Variants in LRBA observed in about 807,000 individuals in gnomAD.
LRBA encodes lipopolysaccharide-responsive and beige-like anchor protein.
In LRBA, 176 loss-of-function variants were observed where a neutral mutation model predicts 330.0. The ratio of observed to expected loss-of-function variants is 0.53; its 90% confidence interval spans 0.47 to 0.60. The LOEUF (loss-of-function observed/expected upper bound fraction) is 0.60. Among genes scored for constraint, LRBA ranks in the 20% least tolerant of loss-of-function variants. LRBA has a pLI of 0.00. For missense variants in LRBA, 3,259 were observed against 3,444.8 expected (o/e 0.95, Z 1.35); for synonymous variants, 1,230 against 1,193.0 (o/e 1.03, Z -0.64).
chr4:150,352,594 T>C (rs1001010676), intron 47 of LRBA, among the ~76,000 whole-genome samples: 1 of 152,214 alleles, frequency 6.6e-6, no homozygotes, highest in African/African-American at 2.4e-5. Context: ...CAAAACTGCT[T>C]CATATTTTAC....
chr4:150,902,297 TAAAGGTTTCCCTAGAGTTAG>T (rs1290331717), intron 13 of LRBA, among the ~76,000 whole-genome samples: 1 of 152,098 alleles, frequency 6.6e-6, no homozygotes, highest in East Asian at 1.9e-4. Flanking sequence ...ATGGTTGAAA[TAAAGGTTTCCCTAGAGTTAG>T]AACAACAGTT....
At chr4:150,417,038 A>G (rs1030077223) in intron 46 of LRBA, among the ~76,000 whole-genome samples, 2 of 152,118 alleles carry the variant, frequency 1.3e-5, no homozygotes, top group African/African-American at 4.8e-5. Context: ...CTGTGTCCTC[A>G]GTCATCAAAT....
intron 40 of LRBA, among the ~76,000 whole-genome samples, chr4:150,519,892 T>G (rs1239031837): frequency 6.6e-6 from 1 of 152,202 alleles, no homozygotes; most frequent in African/African-American, 2.4e-5. Context: ...TTAGCTATCC[T>G]AACGTGTAGT....
chr4:150,526,521 A>T (rs1763494885), intron 40 of LRBA, among the ~76,000 whole-genome samples: 1 of 152,198 alleles, frequency 6.6e-6, no homozygotes, highest in African/African-American at 2.4e-5. Context: ...CAATAAAAAG[A>T]TGGATAAATA....
At chr4:150,834,351 TAAG>T (rs1001470361) in intron 28 of LRBA, among the ~76,000 whole-genome samples, 4 of 152,224 alleles carry the variant, frequency 2.6e-5, no homozygotes, top group African/African-American at 9.6e-5. Flanking sequence ...TCTTAAATAA[TAAG>T]AAGTATTTCT....
At chr4:150,987,154 T>G (rs1327333871) in intron 2 of LRBA, among the ~76,000 whole-genome samples, 1 of 152,202 alleles carries the variant, frequency 6.6e-6, no homozygotes, top group African/African-American at 2.4e-5. Flanking sequence ...CAGCTAGAAA[T>G]AAGAACTTAA....
At chr4:150,795,151 T>C (rs1303379260) in intron 34 of LRBA, among the ~76,000 whole-genome samples, 2 of 152,130 alleles carry the variant, frequency 1.3e-5, no homozygotes, top group African/African-American at 2.4e-5. Flanking sequence ...AACGCTTTTA[T>C]AAAGTGGCCT....
chr4:150,811,568 T>A (rs1213612695), intron 31 of LRBA, among the ~76,000 whole-genome samples: 2 of 152,128 alleles, frequency 1.3e-5, no homozygotes, highest in African/African-American at 2.4e-5. Context: ...ACTGGTGTGA[T>A]CATAGCTCAC....
intron 42 of LRBA, among the ~76,000 whole-genome samples, chr4:150,478,481 C>T (rs72734478): frequency 0.21 from 32,688 of 152,118 alleles, 4,364 homozygotes; most frequent in Non-Finnish European, 0.3. Context: ...TGTCATCACC[C>T]CCCAAATCTC....
chr4:150,708,599 T>C (rs1785869443), intron 36 of LRBA, among the ~76,000 whole-genome samples: 1 of 151,986 alleles, frequency 6.6e-6, no homozygotes, highest in African/African-American at 2.4e-5. Flanking sequence ...AGATCCTTAT[T>C]ATGATCTCAC....
chr4:150,396,787 G>A (rs1372279064), intron 47 of LRBA, among the ~76,000 whole-genome samples: 2 of 152,074 alleles, frequency 1.3e-5, no homozygotes, highest in Non-Finnish European at 1.5e-5. Flanking sequence ...AGAAAAAATA[G>A]GAAATGATTA....
In LRBA at chr4:150,852,563, T is replaced by G; in HGVS notation, c.3147A>C (p.Glu1049Asp). ...CAGCTTCTATTATGTCAGAAGATAC[T>G]TCTAAATCATCTGCATTCCTTGTCT... Reference protein sequence around the residue: ...TNETRNADDLEVSSDIIEAVA... With the variant: ...TNETRNADDLDVSSDIIEAVA... The change falls in exon 23 of 57, where the codon GAA (glutamate) becomes GAC (aspartate). Residue 1049 changes from glutamate (E) to aspartate (D), a missense_variant. Physicochemically the swap from Glu to Asp is conservative, Grantham distance 45. Transcript: ENST00000651943. The G allele has an allele frequency of 6.2e-7, 1 of 1,613,944 alleles. No homozygotes were observed. The highest frequency in any genetic ancestry group is 8.5e-7 in the Non-Finnish European group (1 of 1,179,976).
intron 42 of LRBA, among the ~76,000 whole-genome samples, chr4:150,473,216 T>C (rs1351922934): frequency 6.6e-6 from 1 of 152,196 alleles, no homozygotes; most frequent in Non-Finnish European, 1.5e-5. Context: ...GAGCATCTTT[T>C]CATGTGCTGA....
chr4:150,928,706 C>T, intron 3 of LRBA, 90 bp from the exon 4 acceptor site: 1 of 1,270,674 alleles, frequency 7.9e-7, no homozygotes, highest in Non-Finnish European at 1.1e-6. Flanking sequence ...GGCTTGGACA[C>T]TAAAGTTCTA....
intron 48 of LRBA, among the ~76,000 whole-genome samples, chr4:150,342,885 G>T (rs1187822914): frequency 6.6e-6 from 1 of 152,090 alleles, no homozygotes; most frequent in East Asian, 1.9e-4. Context: ...AGTCTAATTT[G>T]CTTTTGATAC....
At chr4:150,518,169 C>T (rs931187707) in intron 40 of LRBA, among the ~76,000 whole-genome samples, 8 of 152,164 alleles carry the variant, frequency 5.3e-5, no homozygotes, top group Admixed American at 1.3e-4. Context: ...AACTTTGGGA[C>T]GATTAGTAAG....
At chr4:150,441,893 A>C (rs1751886463) in intron 44 of LRBA, among the ~76,000 whole-genome samples, 2 of 152,198 alleles carry the variant, frequency 1.3e-5, no homozygotes, top group South Asian at 4.1e-4. Context: ...TTTAAAGGCC[A>C]ATATAAGTAA....
At chr4:150,959,485 G>A (rs1049532141) in intron 2 of LRBA, among the ~76,000 whole-genome samples, 8 of 149,310 alleles carry the variant, frequency 5.4e-5, no homozygotes, top group African/African-American at 2.1e-4. Flanking sequence ...TCAAAGTCTA[G>A]TAGGGTTGTA....
At chr4:150,685,141 TGA>T (rs949440965) in intron 36 of LRBA, among the ~76,000 whole-genome samples, 4 of 151,500 alleles carry the variant, frequency 2.6e-5, no homozygotes, top group Non-Finnish European at 4.4e-5. Context: ...ATGGCCAAAA[TGA>T]GAGCAGAACT....
Sources: allele counts gnomAD v4.1 joint callset (sites outside exome capture counted in the v4.1 genomes callset), GRCh38; gene constraint gnomAD v4.1.1; transcripts MANE v1.5; gene names NCBI Gene and HGNC (gene_info 2026-07-23, HGNC 2026-07-21).